The following PATJ variants were observed in gnomAD, a reference collection of about 807,000 sequenced individuals.
The protein encoded by PATJ is inaD-like protein.
PATJ carries 190 observed loss-of-function variants against 224.9 expected under a neutral mutation model. The ratio of observed to expected loss-of-function variants is 0.84; its 90% CI spans 0.75 to 0.95. The LOEUF (loss-of-function observed/expected upper bound fraction) is 0.95. Among genes scored for constraint, PATJ ranks in the 40% least tolerant of loss-of-function variants. PATJ has a pLI of 0.00. For missense variants in PATJ, 2,121 were observed against 2,270.3 expected, an observed-to-expected ratio of 0.93 and a Z score of 1.34; for synonymous variants, 769 against 820.3, an observed-to-expected ratio of 0.94 and a Z score of 1.07.
Position 61,861,673 on chromosome 1 carries a change from T to A in PATJ, c.2439+6T>A. The A allele has an allele frequency of 8.3e-7, 1 of 1,210,162 alleles. No individual in the cohort carries two copies. The highest frequency in any genetic ancestry group is 1.1e-6 in the Non-Finnish European group (1 of 878,090). 75.0% of individuals were successfully genotyped at this position (1,210,162 alleles called of 1,614,324 possible). On this transcript the variant is annotated splice_donor_region_variant and intron_variant, in intron 19 of 43. Transcript: ENST00000642238. ...TAATACTCGAAGCACCCAAGGTATT[T>A]AATAAATTTATTTCCCATTTGAATG... is the stretch of plus-strand genomic sequence containing the variant.
At chr1:62,069,941 A>C (rs1384101124) in intron 31 of PATJ, among the ~76,000 whole-genome samples, 1 of 152,238 alleles carries the variant, frequency 6.6e-6, no homozygotes, top group African/African-American at 2.4e-5. Flanking sequence ...GTAGCAGAAC[A>C]AGTCTGAACC....
intron 29 of PATJ, among the ~76,000 whole-genome samples, chr1:62,036,138 A>G (rs17122975): frequency 0.038 from 5,723 of 152,296 alleles, 201 homozygotes; most frequent in African/African-American, 0.089. Context: ...TTAAGAAGCC[A>G]TAAGAAGGGG....
rs115166707 is a variant in PATJ, at chr1:62,150,102, A to G, written c.5378+1712A>G. Among the ~76,000 whole-genome samples the G allele has an allele frequency of 7.3e-3, 1,116 of 152,308 alleles. 8 individuals carry two copies. Among genetic ancestry groups the G allele is most frequent in the Non-Finnish European group, 0.012 (809 of 68,026 alleles). The stretch of plus-strand genomic sequence containing the variant: ...GGGGGCTGTGTTTGAAAGAAGAAAC[A>G]TGAATCGAATTTGTATCCAGCTGGT... On this transcript the variant is annotated intron_variant, in intron 42 of 43. Transcript: ENST00000642238.
intron 28 of PATJ, among the ~76,000 whole-genome samples, chr1:62,008,141 A>C (rs1646205339): frequency 6.6e-6 from 1 of 152,110 alleles, no homozygotes. Flanking sequence ...TCCAATTTAA[A>C]ACCCCCTAAA....
chr1:61,815,574 T>G (rs1174315157), intron 14 of PATJ, among the ~76,000 whole-genome samples: 4 of 152,100 alleles, frequency 2.6e-5, no homozygotes, highest in African/African-American at 9.7e-5. Flanking sequence ...TCTACATGAC[T>G]GGGCGGGGTG....
Position 62,079,546 on chromosome 1 carries a change from G to A in PATJ, c.4222G>A (p.Asp1408Asn). 1 of 1,604,528 alleles carries A rather than the reference G, an allele frequency of 6.2e-7. No individual in the cohort carries two copies. Among genetic ancestry groups the A allele is most frequent in the Non-Finnish European group, 8.5e-7 (1 of 1,171,540 alleles). ...ACCAGCTTCATCATACCATTCAACA[G>A]ATGCAGACTTCACAGGCTATGGTAT... ...LAPASSYHSTDADFTGYGGFQ... is the reference protein window; with the variant it reads ...LAPASSYHSTNADFTGYGGFQ... Residue 1408 changes from aspartate (D) to asparagine (N), a missense_variant, in exon 32 of 44, where the codon GAT (aspartate) becomes AAT (asparagine). By Grantham distance (23) the Asp-to-Asn change is conservative. Transcript: ENST00000642238.
At chr1:61,777,703 C>CTTTTTTTTTTTT (rs66470863) in intron 7 of PATJ, among the ~76,000 whole-genome samples, 15 of 48,746 alleles carry the variant, frequency 3.1e-4, no homozygotes, top group African/African-American at 5.3e-4. Context: ...TTCTTTCTTT[C>CTTTTTTTTTTTT]TTTTTTTTTT....
intron 27 of PATJ, among the ~76,000 whole-genome samples, chr1:61,944,336 T>G (rs1678326718): frequency 6.6e-6 from 1 of 152,174 alleles, no homozygotes; most frequent in African/African-American, 2.4e-5. Context: ...GAAAAAAGAT[T>G]AGGCGAATGG....
At chr1:61,785,875 G>C (rs1201767776) in intron 7 of PATJ, among the ~76,000 whole-genome samples, 2 of 151,988 alleles carry the variant, frequency 1.3e-5, no homozygotes, top group African/African-American at 4.8e-5. Flanking sequence ...ATAATTATTT[G>C]CAAGACCAAC....
intron 39 of PATJ, among the ~76,000 whole-genome samples, chr1:62,125,264 C>CAAACAAAAAA (rs1665594501): frequency 3.1e-5 from 2 of 64,198 alleles, no homozygotes; most frequent in Non-Finnish European, 3.2e-5. Flanking sequence ...CAAAAAAAAA[C>CAAACAAAAAA]AAAAAAAAAA....
At chr1:62,017,142 TA>T (rs1479327822) in intron 28 of PATJ, among the ~76,000 whole-genome samples, 1 of 152,172 alleles carries the variant, frequency 6.6e-6, no homozygotes, top group East Asian at 1.9e-4. Context: ...AGAGTCCTAA[TA>T]TACCCACTTA....
intron 9 of PATJ, among the ~76,000 whole-genome samples, chr1:61,793,300 C>A (rs1216903689): frequency 6.6e-6 from 1 of 152,004 alleles, no homozygotes; most frequent in East Asian, 1.9e-4. Flanking sequence ...TTCAGTTTGT[C>A]AGAGGGAAAT....
intron 40 of PATJ, 140 bp from the exon 41 acceptor site, chr1:62,128,701 G>T: frequency 1.7e-6 from 1 of 591,644 alleles, no homozygotes; most frequent in South Asian, 2.5e-5. Context: ...CATGCTTCTT[G>T]AACATGCATG....
chr1:61,878,682 T>TA (rs1229569830), intron 21 of PATJ, among the ~76,000 whole-genome samples: 5,121 of 138,950 alleles, frequency 0.037, 88 homozygotes, highest in Non-Finnish European at 0.047. Context: ...CATCTCTATT[T>TA]AAAAAAAAAA....
intron 4 of PATJ, among the ~76,000 whole-genome samples, chr1:61,767,102 A>C (rs544845205): frequency 1.3e-5 from 2 of 152,204 alleles, no homozygotes; most frequent in East Asian, 3.9e-4. Context: ...AATTAGAACT[A>C]ATGTAATTTG....
intron 41 of PATJ, among the ~76,000 whole-genome samples, chr1:62,138,863 A>G (rs188371762): frequency 4.1e-4 from 62 of 152,270 alleles, no homozygotes; most frequent in Admixed American, 3.7e-3. Flanking sequence ...TTTAATGCCT[A>G]TTGTCCGGGT....
intron 31 of PATJ, among the ~76,000 whole-genome samples, chr1:62,069,405 A>G (rs375417788): frequency 6.6e-6 from 1 of 152,204 alleles, no homozygotes; most frequent in African/African-American, 2.4e-5. Flanking sequence ...TGTCCCTAAT[A>G]CACAGGTCTG....
At chr1:61,945,000 A>G (rs1678442279) in intron 27 of PATJ, among the ~76,000 whole-genome samples, 1 of 152,242 alleles carries the variant, frequency 6.6e-6, no homozygotes. Context: ...AAGGAGAAAT[A>G]AAATCCTTTA....
chr1:61,868,136 G>A (rs1483878143), intron 20 of PATJ, among the ~76,000 whole-genome samples: 2 of 152,120 alleles, frequency 1.3e-5, no homozygotes, highest in Non-Finnish European at 2.9e-5. Context: ...GTATTTTTTA[G>A]TTATAGTAAA....
Sources: gnomAD v4.1 joint callset for allele counts (sites outside exome capture counted in the v4.1 genomes callset) on GRCh38, gnomAD v4.1.1 for gene constraint, MANE v1.5 for transcripts, NCBI Gene and HGNC (gene_info 2026-07-23, HGNC 2026-07-21) for gene names.